KIF1A: variants seen among roughly 807,000 people sequenced by gnomAD.
The protein encoded by KIF1A is kinesin family member 1A.
Under a neutral mutation model 227.3 loss-of-function variants are expected in KIF1A, and 46 were observed. The observed-to-expected ratio is 0.20, with a 90% CI of 0.16 to 0.26. The LOEUF is 0.26. Among genes scored for constraint, KIF1A ranks in the 10% least tolerant of loss-of-function variants. The probability of loss-of-function intolerance (pLI) is 1.00; values close to 1 mark genes in which losing one functional copy is unlikely to be tolerated. For missense variants in KIF1A, 1,683 were observed against 2,485.9 expected, an observed-to-expected ratio of 0.68 and a Z score of 6.87; for synonymous variants, 1,022 against 1,012.8, an observed-to-expected ratio of 1.01 and a Z score of -0.17.
intron 24 of KIF1A, 138 bp from the exon 25 acceptor site, chr2:240,760,981 C>T: frequency 1.1e-6 from 1 of 940,260 alleles, no homozygotes. Flanking sequence ...CAGACAGCCG[C>T]CAGGGGGGAC....
In KIF1A at chr2:240,725,084, C is replaced by T. The variant is rs1159216534; in HGVS notation, c.4256+187G>A. On this transcript the variant is annotated intron_variant, in intron 40 of 48. Transcript: ENST00000498729. The surrounding 1 kb of genome is among the most constrained non-coding windows in gnomAD (Gnocchi z 5.8). ...CAGTGTCCCCTGCAGGAACCATGGC[C>T]TCCACAGAGTCTTCATCTAGGGTGA... Among the ~76,000 whole-genome samples, 1 of 151,996 alleles carries T rather than the reference C, an allele frequency of 6.6e-6. No homozygotes were observed. Among genetic ancestry groups the T allele is most frequent in the Non-Finnish European group, 1.5e-5 (1 of 67,970 alleles).
In KIF1A at chr2:240,786,442, G is replaced by A. The variant is rs923432327; in HGVS notation, c.501C>T (p.Arg167=). The A allele has an allele frequency of 3.7e-6, 6 of 1,613,486 alleles. No individual in the cohort carries two copies. Among genetic ancestry groups the A allele is most frequent in the Admixed American group, 1.7e-5 (1 of 59,996 alleles). The change falls in exon 6 of 49, where the codon CGC becomes CGT. Residue 167 remains arginine (R), a synonymous_variant. Coordinates refer to ENST00000498729, the MANE Select transcript of KIF1A (RefSeq NM_001244008.2). Reference sequence around the variant, plus strand: ...GCCCCAGCAGTGGGTGCTCCCTCACGCGAAGGTTGCCCTTGTTCTTGGGGT... The same window carrying A: ...GCCCCAGCAGTGGGTGCTCCCTCACACGAAGGTTGCCCTTGTTCTTGGGGT... ...LLNPKNKGNL[R]VREHPLLGPY... is the part of the protein sequence containing the mutation.
intron 38 of KIF1A, among the ~76,000 whole-genome samples, chr2:240,735,670 A>T (rs959127759): frequency 6.6e-6 from 1 of 151,466 alleles, no homozygotes; most frequent in African/African-American, 2.4e-5. Context: ...ACAGCAGCCC[A>T]CACTCTGCAG....
intron 1 of KIF1A, among the ~76,000 whole-genome samples, chr2:240,816,621 C>G (rs1185037118): frequency 6.6e-6 from 1 of 152,140 alleles, no homozygotes; most frequent in Non-Finnish European, 1.5e-5. Flanking sequence ...CAGGGCTGGG[C>G]CTGCCCAGAC....
chr2:240,747,346 T>G (rs1267182366), intron 28 of KIF1A, 25 bp from the exon 29 acceptor site: 1 of 1,599,378 alleles, frequency 6.3e-7, no homozygotes, highest in Non-Finnish European at 8.6e-7. Flanking sequence ...GAGCAAATGG[T>G]TGGAGCCCAG....
chr2:240,743,489 T>G (rs1396764713), intron 33 of KIF1A, among the ~76,000 whole-genome samples: 2 of 152,164 alleles, frequency 1.3e-5, no homozygotes, highest in Non-Finnish European at 2.9e-5. Flanking sequence ...AAGTCCTGAC[T>G]TCATGCCCCA....
At chr2:240,745,225 C>G (rs551433709) in intron 32 of KIF1A, among the ~76,000 whole-genome samples, 1 of 152,104 alleles carries the variant, frequency 6.6e-6, no homozygotes, top group African/African-American at 2.4e-5. Flanking sequence ...TGAGCGGCCC[C>G]CATGCCCCAG....
chr2:240,750,668 C>G, intron 27 of KIF1A, 121 bp from the exon 28 acceptor site: 1 of 733,710 alleles, frequency 1.4e-6, no homozygotes, highest in Non-Finnish European at 2.3e-6. Context: ...GGGAAGCCGC[C>G]GGACAGGACA....
intron 42 of KIF1A, among the ~76,000 whole-genome samples, 169 bp from the exon 43 acceptor site, chr2:240,722,825 C>T (rs1174773662): frequency 6.6e-6 from 1 of 152,160 alleles, no homozygotes; most frequent in Non-Finnish European, 1.5e-5. Context: ...GGGAACAGAC[C>T]CTGGCGCCCC....
In KIF1A at chr2:240,740,185, G is replaced by A. The variant is rs1161314996; in HGVS notation, c.3817-43C>T. The A allele has an allele frequency of 3.8e-6, 6 of 1,578,182 alleles. No homozygotes were observed. The highest frequency in any genetic ancestry group is 5.2e-6 in the Non-Finnish European group (6 of 1,157,024). ...GAGGATATGGTCAGACGGCTCAGGG[G>A]GCTACGTAGGGTGAGGGAGGGGGAC... is the stretch of plus-strand genomic sequence containing the variant. On this transcript the variant is annotated intron_variant, in intron 36 of 48. Transcript: ENST00000498729. This position sits in a 1 kb window ranked among gnomAD's most constrained non-coding sequence, Gnocchi z 6.1.
intron 46 of KIF1A, among the ~76,000 whole-genome samples, 170 bp from the exon 47 acceptor site, chr2:240,719,368 C>T (rs952347271): frequency 5.3e-5 from 8 of 152,170 alleles, no homozygotes; most frequent in Admixed American, 2.6e-4. Context: ...CCCAGCAGGC[C>T]GGAGACCAGA....
intron 1 of KIF1A, among the ~76,000 whole-genome samples, chr2:240,813,009 C>G (rs1396336359): frequency 6.6e-6 from 1 of 151,100 alleles, no homozygotes; most frequent in African/African-American, 2.4e-5. Context: ...CCGCCTTCAC[C>G]TCGGGGATCT....
intron 19 of KIF1A, 58 bp from the exon 20 acceptor site, chr2:240,765,851 A>T: frequency 7.5e-7 from 1 of 1,324,890 alleles, no homozygotes; most frequent in Non-Finnish European, 1.1e-6. Context: ...CACCTACAGC[A>T]GCTCGGCTTA....
At position 240,790,712 on chromosome 2, in the gene KIF1A, T is replaced by C. The variant is rs1042100332; in HGVS notation, c.107-1400A>G. Among the ~76,000 whole-genome samples, 2 of 151,904 alleles carry C rather than the reference T, an allele frequency of 1.3e-5. No homozygotes were observed. The highest frequency in any genetic ancestry group is 4.8e-5 in the African/African-American group (2 of 41,344). ...GCCATGTCCTTATAAAAGAGGAGAT[T>C]TGGAGACAGGGAGGGTGCCATGAGA... is the stretch of plus-strand genomic sequence containing the variant. On this transcript the variant is annotated intron_variant, in intron 2 of 48. Transcript: ENST00000498729. This position sits in a 1 kb window ranked among gnomAD's most constrained non-coding sequence, Gnocchi z 5.0.
chr2:240,771,731 CA>C (rs1302376196), intron 14 of KIF1A, among the ~76,000 whole-genome samples: 2 of 152,154 alleles, frequency 1.3e-5, no homozygotes, highest in African/African-American at 4.8e-5. Flanking sequence ...AGCCCACTGA[CA>C]TGGAAATTGG....
intron 33 of KIF1A, among the ~76,000 whole-genome samples, chr2:240,743,234 G>T (rs563974429): frequency 5.9e-5 from 9 of 152,290 alleles, no homozygotes; most frequent in Admixed American, 1.3e-4. Context: ...TCAGGCACTC[G>T]CGAGGACAGA....
chr2:240,726,613 A>G lies in KIF1A; in HGVS notation c.4122+213T>C, dbSNP rs530561074. The stretch of plus-strand genomic sequence containing the variant: ...AAGAGTGAGACTCGGTCTCAAAAAC[A>G]AAAAAAAAACAGCACATGGATTTAT... On this transcript the variant is annotated intron_variant, in intron 39 of 48. Coordinates refer to ENST00000498729, the MANE Select transcript of KIF1A (RefSeq NM_001244008.2). The surrounding 1 kb of genome is among the most constrained non-coding windows in gnomAD (Gnocchi z 5.2). Among the ~76,000 whole-genome samples the G allele has an allele frequency of 7.5e-4, 112 of 149,762 alleles. No homozygotes were observed. Among genetic ancestry groups the G allele is most frequent in the African/African-American group, 2.6e-3 (105 of 40,936 alleles).
intron 27 of KIF1A, among the ~76,000 whole-genome samples, chr2:240,754,538 G>A (rs1355379263): frequency 2.6e-5 from 4 of 152,342 alleles, no homozygotes; most frequent in Non-Finnish European, 2.9e-5. Flanking sequence ...CAATGCACCC[G>A]AAGTGTGAGG....
In KIF1A at chr2:240,747,336, G is replaced by T. The variant is rs1259929963; in HGVS notation, c.2978-15C>A. ...CTCTTCATCGGCTGCAGGAGAAACA[G>T]AGCAAATGGTTGGAGCCCAGCTTGT... is the stretch of plus-strand genomic sequence containing the variant. On this transcript the variant is annotated splice_polypyrimidine_tract_variant and intron_variant, in intron 28 of 48. Coordinates refer to ENST00000498729, the MANE Select transcript of KIF1A (RefSeq NM_001244008.2). 6.2e-7 allele frequency: 1 copy of T among 1,609,106 alleles called. No homozygotes were observed. The highest frequency in any genetic ancestry group is 1.3e-5 in the African/African-American group (1 of 74,812).
Sources: allele counts gnomAD v4.1 joint callset (sites outside exome capture counted in the v4.1 genomes callset), GRCh38; gene constraint gnomAD v4.1.1; non-coding constraint Gnocchi (gnomAD v3.1); transcripts MANE v1.5; gene names NCBI Gene and HGNC (gene_info 2026-07-23, HGNC 2026-07-21).